STAG1: variants seen among roughly 807,000 people sequenced by gnomAD.
STAG1 encodes the protein STAG1 cohesin complex component.
STAG1 carries 26 observed loss-of-function variants against 170.9 expected under a neutral mutation model. That is an observed-to-expected ratio of 0.15 (90% CI 0.11 to 0.21). The LOEUF (loss-of-function observed/expected upper bound fraction) is 0.21. Among genes scored for constraint, STAG1 ranks in the 10% least tolerant of loss-of-function variants. The pLI, the probability that STAG1 is intolerant of heterozygous loss-of-function variation, is 1.00. For missense variants in STAG1, 964 were observed against 1,509.5 expected (o/e 0.64, Z 5.99); for synonymous variants, 514 against 497.7 (o/e 1.03, Z -0.44).
Position 136,740,748 on chromosome 3 carries a change from A to G in STAG1, c.-84+11447T>C, listed in dbSNP as rs140228785. Among the ~76,000 whole-genome samples the G allele has an allele frequency of 3.2e-4, 49 of 152,300 alleles. 1 individual carries two copies. Among genetic ancestry groups the G allele is most frequent in the African/African-American group, 1.2e-3 (49 of 41,562 alleles). On this transcript the variant is annotated intron_variant, in intron 1 of 33. Transcript: ENST00000383202. ...GCCCGCCCCAGCCTCCAAAAGGGCT[A>G]GGATTACAGGTGGAAGCCACTATGC...
intron 7 of STAG1, among the ~76,000 whole-genome samples, chr3:136,515,399 C>G (rs1934317945): frequency 6.6e-6 from 1 of 152,106 alleles, no homozygotes; most frequent in African/African-American, 2.4e-5. Flanking sequence ...TAGACAATTA[C>G]TAAGTGACTT....
chr3:136,694,629 AC>A (rs1304981561), intron 1 of STAG1, among the ~76,000 whole-genome samples: 20 of 151,964 alleles, frequency 1.3e-4, no homozygotes, highest in African/African-American at 2.2e-4. Flanking sequence ...AAAAAAAAAA[AC>A]ATTGGAGAAG....
intron 9 of STAG1, 38 bp downstream of exon 9, chr3:136,500,185 A>C (rs1247093024): frequency 3.9e-6 from 5 of 1,289,542 alleles, no homozygotes; most frequent in Non-Finnish European, 5.5e-6. Flanking sequence ...TAATTGTTTA[A>C]GTGAAAAGCC....
intron 1 of STAG1, among the ~76,000 whole-genome samples, chr3:136,678,973 C>A (rs1199825908): frequency 1.3e-4 from 9 of 68,284 alleles, no homozygotes; most frequent in African/African-American, 2.5e-4. Context: ...TTTATTTCAA[C>A]AAAGAATATC....
intron 29 of STAG1, among the ~76,000 whole-genome samples, chr3:136,347,760 T>C (rs1335254133): frequency 6.6e-6 from 1 of 152,260 alleles, no homozygotes; most frequent in African/African-American, 2.4e-5. Context: ...ATGCTACCTA[T>C]GTGCCAAGCA....
intron 9 of STAG1, among the ~76,000 whole-genome samples, chr3:136,487,255 T>C (rs567796913): frequency 1.3e-5 from 2 of 152,248 alleles, no homozygotes; most frequent in Admixed American, 6.5e-5. Flanking sequence ...CTGTGTTAGT[T>C]TGCTGAGGAT....
intron 1 of STAG1, among the ~76,000 whole-genome samples, chr3:136,663,561 A>G (rs1180076792): frequency 6.6e-6 from 1 of 152,222 alleles, no homozygotes; most frequent in Non-Finnish European, 1.5e-5. Context: ...TGTTTTCATC[A>G]TTCCTAAAAA....
At position 136,486,945 on chromosome 3, in the gene STAG1, A is replaced by G. The variant is rs146873639; in HGVS notation, c.903-9533T>C. On this transcript the variant is annotated intron_variant, in intron 9 of 33. Transcript: ENST00000383202. ...CACCAACTAGACTACTGAACAGCTT[A>G]TGTTCTCAGAACACAGGTTCTCTGT... 3.9e-3 allele frequency among the ~76,000 whole-genome samples: 527 copies of G among 135,550 alleles called. 3 individuals are homozygous for G. The highest frequency in any genetic ancestry group is 0.015 in the African/African-American group (503 of 34,578). The allele number at this position is 135,550 out of a possible 152,430, so 88.9% of individuals were successfully genotyped here. A position where few individuals can be genotyped will look rare whatever the true frequency, so the allele number is the denominator to read the frequency against.
chr3:136,663,171 G>T (rs1231002946), intron 1 of STAG1, among the ~76,000 whole-genome samples: 1 of 152,058 alleles, frequency 6.6e-6, no homozygotes, highest in East Asian at 1.9e-4. Context: ...TAAAAAAGCT[G>T]TTTGTTTTTT....
intron 21 of STAG1, among the ~76,000 whole-genome samples, chr3:136,410,068 T>TTA (rs1446354173): frequency 2.1e-5 from 2 of 93,082 alleles, no homozygotes; most frequent in Non-Finnish European, 4.1e-5. Flanking sequence ...AGTCCTTGTC[T>TTA]AAAAAAAAAA....
At chr3:136,716,916 A>G (rs1943554645) in intron 1 of STAG1, among the ~76,000 whole-genome samples, 1 of 152,244 alleles carries the variant, frequency 6.6e-6, no homozygotes, top group African/African-American at 2.4e-5. Flanking sequence ...TGAAGTGAGG[A>G]TAACAATACA....
intron 21 of STAG1, among the ~76,000 whole-genome samples, chr3:136,403,224 TAA>T (rs55678408): frequency 0.014 from 467 of 33,568 alleles, 2 homozygotes; most frequent in African/African-American, 0.029. Flanking sequence ...GAGACTGTCT[TAA>T]AAAAAAAAAA....
At chr3:136,414,492 C>T (rs1201327130) in intron 21 of STAG1, among the ~76,000 whole-genome samples, 1 of 152,216 alleles carries the variant, frequency 6.6e-6, no homozygotes, top group Admixed American at 6.5e-5. Context: ...ACTTCTAATT[C>T]TAGCTCTCTT....
chr3:136,640,326 T>C (rs559994140), intron 1 of STAG1, among the ~76,000 whole-genome samples: 1 of 152,300 alleles, frequency 6.6e-6, no homozygotes, highest in East Asian at 1.9e-4. Flanking sequence ...AAGAGAGCTA[T>C]TTGTGAGTTC....
intron 1 of STAG1, among the ~76,000 whole-genome samples, chr3:136,642,888 T>C (rs562988961): frequency 6.6e-6 from 1 of 152,294 alleles, no homozygotes; most frequent in Admixed American, 6.5e-5. Flanking sequence ...TTCCTTGGCT[T>C]GTTGGAGCAT....
At chr3:136,681,374 C>A (rs768092347) in intron 1 of STAG1, among the ~76,000 whole-genome samples, 1 of 152,060 alleles carries the variant, frequency 6.6e-6, no homozygotes, top group Non-Finnish European at 1.5e-5. Flanking sequence ...TTTAATTGAA[C>A]GATTTAAATG....
chr3:136,354,754 C>CAAAAAAAAAAAAAAAAAAAAAAAAAA, intron 28 of STAG1, among the ~76,000 whole-genome samples: 1 of 6,516 alleles, frequency 1.5e-4, no homozygotes, highest in Admixed American at 2.7e-3. Context: ...GAGAAAGAAC[C>CAAAAAAAAAAAAAAAAAAAAAAAAAA]AAAAAAAAAA....
At chr3:136,506,886 G>A (rs1339392220) in intron 7 of STAG1, among the ~76,000 whole-genome samples, 1 of 152,102 alleles carries the variant, frequency 6.6e-6, no homozygotes, top group Non-Finnish European at 1.5e-5. Context: ...TTATTTGTGT[G>A]TTGTAAACAA....
intron 15 of STAG1, among the ~76,000 whole-genome samples, chr3:136,439,390 A>ACACG (rs2088564324): frequency 5.9e-5 from 1 of 16,820 alleles, no homozygotes; most frequent in Admixed American, 7.1e-4. Context: ...ACACCCCCCG[A>ACACG]CACACACACA....
Sources: allele counts gnomAD v4.1 joint callset (sites outside exome capture counted in the v4.1 genomes callset), GRCh38; gene constraint gnomAD v4.1.1; transcripts MANE v1.5; gene names NCBI Gene and HGNC (gene_info 2026-07-23, HGNC 2026-07-21).